Variants in TTYH2 observed in about 807,000 individuals in gnomAD.
TTYH2 encodes tweety family member 2, also known as protein tweety homolog 2.
In TTYH2, 49 loss-of-function variants were observed where a neutral mutation model predicts 68.3. The observed-to-expected ratio is 0.72, with a 90% CI of 0.57 to 0.91. TTYH2 has a LOEUF of 0.91. Ranked by LOEUF, TTYH2 falls within the 40% of genes least tolerant of loss-of-function variation. TTYH2 has a pLI of 0.00. For missense variants in TTYH2, 631 were observed against 700.4 expected (o/e 0.90, Z 1.12); for synonymous variants, 272 against 300.8 (o/e 0.90, Z 0.99).
rs776628055 is a variant in TTYH2 at position 74,249,995 on chromosome 17, G to A, written c.990G>A (p.Leu330=). 2 of 1,614,150 alleles carry A rather than the reference G, an allele frequency of 1.2e-6. No individual in the cohort carries two copies. Among genetic ancestry groups the A allele is most frequent in the South Asian group, 1.1e-5 (1 of 91,078 alleles). The change falls in exon 9 of 14, where the codon CTG becomes CTA. Residue 330 remains leucine (L), a synonymous_variant. Coordinates refer to ENST00000269346, the MANE Select transcript of TTYH2 (RefSeq NM_032646.6). ...TGCAGATCCAGGTCGCGGGGCTGCT[G>A]CAGTTTGCCGTGCCCCTCTTCTCCA... The part of the protein sequence containing the change: ...TTMQIQVAGL[L]QFAVPLFSTA...
chr17:74,251,321 T>C (rs1261056094), intron 10 of TTYH2, among the ~76,000 whole-genome samples: 4 of 148,078 alleles, frequency 2.7e-5, no homozygotes, highest in Non-Finnish European at 6.0e-5. Flanking sequence ...TGTGTGCACA[T>C]GTGTGCACAT....
chr17:74,243,319 A>G, intron 4 of TTYH2, 55 bp from the exon 5 acceptor site: 5 of 1,462,252 alleles, frequency 3.4e-6, no homozygotes, highest in Non-Finnish European at 4.8e-6. Flanking sequence ...TCACGTGGCC[A>G]GCAGGTCAGA....
At chr17:74,221,116 A>G (rs756391406) in intron 1 of TTYH2, among the ~76,000 whole-genome samples, 5 of 152,130 alleles carry the variant, frequency 3.3e-5, no homozygotes, top group East Asian at 1.9e-4. Context: ...TCCAAAGTCA[A>G]ATCCATCTGT....
At chr17:74,246,597 T>C (rs2050560319) in intron 6 of TTYH2, among the ~76,000 whole-genome samples, 1 of 152,170 alleles carries the variant, frequency 6.6e-6, no homozygotes, top group South Asian at 2.1e-4. Context: ...GGGCAGCCTC[T>C]CCCACCTGCC....
Position 74,222,354 on chromosome 17 carries a change from A to G in TTYH2, c.130-131A>G. The G allele has an allele frequency of 9.2e-7, 1 of 1,088,930 alleles. No homozygotes were observed. The highest frequency in any genetic ancestry group is 1.3e-6 in the Non-Finnish European group (1 of 780,144). 67.5% of individuals were successfully genotyped at this position (1,088,930 alleles called of 1,614,324 possible). A position where few individuals can be genotyped will look rare whatever the true frequency, so the allele number is the denominator to read the frequency against. Reference sequence around the variant, plus strand: ...TTTACAGAGTAGGAGCTTGAACCCTAGGTGGAGCTTGGAAGGATGGACGAG... The same window carrying G: ...TTTACAGAGTAGGAGCTTGAACCCTGGGTGGAGCTTGGAAGGATGGACGAG... On this transcript the variant is annotated intron_variant, in intron 1 of 13. Transcript: ENST00000269346. The surrounding 1 kb of genome is among the most constrained non-coding windows in gnomAD (Gnocchi z 5.2).
chr17:74,235,535 GT>G (rs2050434392), intron 3 of TTYH2, among the ~76,000 whole-genome samples: 1 of 152,254 alleles, frequency 6.6e-6, no homozygotes, highest in African/African-American at 2.4e-5. Flanking sequence ...CCGCTAACCA[GT>G]ACGAGCCCTG....
intron 6 of TTYH2, among the ~76,000 whole-genome samples, chr17:74,246,830 T>C (rs1276794845): frequency 6.6e-6 from 1 of 152,138 alleles, no homozygotes; most frequent in Non-Finnish European, 1.5e-5. Context: ...AAGTCACGTC[T>C]TACATGGATG....
At chr17:74,236,099 C>T (rs2050440591) in intron 3 of TTYH2, among the ~76,000 whole-genome samples, 1 of 152,174 alleles carries the variant, frequency 6.6e-6, no homozygotes, top group Admixed American at 6.5e-5. Flanking sequence ...GTCCACTCAA[C>T]CCCAGGCCCT....
chr17:74,243,735 G>T (rs1329702048), intron 5 of TTYH2, among the ~76,000 whole-genome samples: 1 of 152,226 alleles, frequency 6.6e-6, no homozygotes, highest in African/African-American at 2.4e-5. Context: ...GTCCGTGCAT[G>T]AAAGCCTCTG....
At position 74,214,300 on chromosome 17, in the gene TTYH2, C is replaced by A. The variant is rs1040331991; in HGVS notation, c.129+584C>A. Among the ~76,000 whole-genome samples the A allele has an allele frequency of 6.6e-6, 1 of 152,120 alleles. No homozygotes were observed. Among genetic ancestry groups the A allele is most frequent in the Non-Finnish European group, 1.5e-5 (1 of 68,014 alleles). On this transcript the variant is annotated intron_variant, in intron 1 of 13. Transcript: ENST00000269346. The surrounding 1 kb of genome is among the most constrained non-coding windows in gnomAD (Gnocchi z 4.6). The stretch of plus-strand genomic sequence containing the variant: ...CTTGGGGAAGCGGTGTGGGTCACTT[C>A]CCCTCTAGCGCAGAGAACCCACAGC...
In TTYH2 at chr17:74,229,298, A is replaced by G. The variant is rs2050363197; in HGVS notation, c.303-1590A>G. Among the ~76,000 whole-genome samples the G allele has an allele frequency of 2.0e-5, 3 of 152,146 alleles. No individual in the cohort carries two copies. In the South Asian group the frequency reaches 6.2e-4, roughly 32 times the overall value. Reference sequence around the variant, plus strand: ...TGTCAGAATCCCCTGGGGGCTGGTAAAAGTGCAGGTAACCTAGGCCCTCCC... The same window carrying G: ...TGTCAGAATCCCCTGGGGGCTGGTAGAAGTGCAGGTAACCTAGGCCCTCCC... On this transcript the variant is annotated intron_variant, in intron 2 of 13. Coordinates refer to ENST00000269346, the MANE Select transcript of TTYH2 (RefSeq NM_032646.6).
At chr17:74,250,133 C>T in intron 9 of TTYH2, 105 bp downstream of exon 9, 1 of 1,483,878 alleles carries the variant, frequency 6.7e-7, no homozygotes, top group South Asian at 1.2e-5. Flanking sequence ...TGCTGGCTCT[C>T]TGTTCTCCCG....
chr17:74,260,272 C>A lies in TTYH2; in HGVS notation c.*63C>A. 6.5e-7 allele frequency: 1 copy of A among 1,543,266 alleles called. No individual in the cohort carries two copies. Among genetic ancestry groups the A allele is most frequent in the Non-Finnish European group, 8.9e-7 (1 of 1,118,928 alleles). Reference sequence around the variant, plus strand: ...GGTTTTTAATTAGTGCAAATACAAGCTGCGTTTCTTTAATAGAAACCAAAG... The same window carrying A: ...GGTTTTTAATTAGTGCAAATACAAGATGCGTTTCTTTAATAGAAACCAAAG... On this transcript the variant is annotated 3_prime_UTR_variant, in exon 14 of 14. Coordinates refer to ENST00000269346, the MANE Select transcript of TTYH2 (RefSeq NM_032646.6).
rs954156941 is a variant in TTYH2, at chr17:74,244,057, G to C, written c.804+8G>C. ...GATGGCTCTGCGGCAGTGGTGAGTTGGGGGAGGGAGTGGGTGGTGGGTGGT... is the reference window on the plus strand; with the variant it reads ...GATGGCTCTGCGGCAGTGGTGAGTTCGGGGAGGGAGTGGGTGGTGGGTGGT... On this transcript the variant is annotated splice_region_variant and intron_variant, in intron 6 of 13. Coordinates refer to ENST00000269346, the MANE Select transcript of TTYH2 (RefSeq NM_032646.6). The C allele has an allele frequency of 5.0e-6, 8 of 1,609,730 alleles. No individual in the cohort carries two copies. The highest frequency in any genetic ancestry group is 6.8e-6 in the Non-Finnish European group (8 of 1,179,512).
intron 4 of TTYH2, among the ~76,000 whole-genome samples, chr17:74,242,460 T>G (rs2050511522): frequency 6.6e-6 from 1 of 152,192 alleles, no homozygotes; most frequent in Non-Finnish European, 1.5e-5. Context: ...TGGCGCCATC[T>G]CAGCTCACTG....
In TTYH2 at chr17:74,253,193, A is replaced by T; in HGVS notation, c.1372A>T (p.Ser458Cys). Residue 458 changes from serine (S) to cysteine (C), a missense_variant, in exon 12 of 14, where the codon AGT becomes TGT. Transcript: ENST00000269346. ...GCTTCACAGCTTCTGCAGCTACAGC[A>T]GTGGCCTGGGAAGTCAGACCAGCCT... ...GQLHSFCSYS[S>C]GLGSQTSLQP... is the part of the protein sequence containing the mutation. 1 of 1,614,014 alleles carries T rather than the reference A, an allele frequency of 6.2e-7. No individual in the cohort carries two copies. The highest frequency in any genetic ancestry group is 8.5e-7 in the Non-Finnish European group (1 of 1,179,976).
At chr17:74,223,099 G>A (rs145324969) in intron 2 of TTYH2, among the ~76,000 whole-genome samples, 23 of 151,298 alleles carry the variant, frequency 1.5e-4, no homozygotes, top group African/African-American at 5.4e-4. Flanking sequence ...GATGAGGAAG[G>A]GAGAATTTCT....
rs1473653631 is a variant in TTYH2 at position 74,217,110 on chromosome 17, C to A, written c.129+3394C>A. 6.6e-6 allele frequency among the ~76,000 whole-genome samples: 1 copy of A among 152,228 alleles called. No homozygotes were observed. Among genetic ancestry groups the A allele is most frequent in the Non-Finnish European group, 1.5e-5 (1 of 68,042 alleles). On this transcript the variant is annotated intron_variant, in intron 1 of 13. Coordinates refer to ENST00000269346, the MANE Select transcript of TTYH2 (RefSeq NM_032646.6). The surrounding 1 kb of genome is among the most constrained non-coding windows in gnomAD (Gnocchi z 4.0). ...GCCTGAGCGTGAGTGCCACCATCAC[C>A]ATCCAGCCAGCCCCTCAGGGGAGAC... is the stretch of plus-strand genomic sequence containing the variant.
chr17:74,225,555 C>G (rs893842685), intron 2 of TTYH2, among the ~76,000 whole-genome samples: 1 of 152,096 alleles, frequency 6.6e-6, no homozygotes, highest in South Asian at 2.1e-4. Flanking sequence ...ACCGGGTGAC[C>G]GAAGAGCTCA....
Sources: gnomAD v4.1 joint callset for allele counts (sites outside exome capture counted in the v4.1 genomes callset) on GRCh38, gnomAD v4.1.1 for gene constraint, Gnocchi (gnomAD v3.1) non-coding constraint, MANE v1.5 for transcripts, NCBI Gene and HGNC (gene_info 2026-07-23, HGNC 2026-07-21) for gene names.